The following SLC30A8 variants were observed in gnomAD, a reference collection of about 807,000 sequenced individuals.
SLC30A8 encodes solute carrier family 30 member 8.
Under a neutral mutation model 36.9 loss-of-function variants are expected in SLC30A8, and 27 were observed. The observed-to-expected ratio is 0.73, with a 90% CI of 0.54 to 1.01. The LOEUF (loss-of-function observed/expected upper bound fraction) is 1.01, where lower values mean the gene tolerates loss of function less well. SLC30A8 is among the 50% of genes least tolerant of loss of function. The pLI is 0.00. For synonymous variants in SLC30A8, 164 were observed against 172.4 expected (o/e 0.95, Z 0.38); for missense variants, 439 against 452.0 (o/e 0.97, Z 0.26).
chr8:117,074,427 T>A (rs1818428073), intron 2 of SLC30A8, among the ~76,000 whole-genome samples: 2 of 152,188 alleles, frequency 1.3e-5, no homozygotes, highest in Non-Finnish European at 2.9e-5. Flanking sequence ...AATAACTACA[T>A]ATGACTTGCT....
chr8:117,129,861 T>G (rs922815052), intron 2 of SLC30A8: 1 of 151,984 alleles, frequency 6.6e-6, no homozygotes, highest in South Asian at 2.1e-4. Flanking sequence ...TAATGTTTTG[T>G]GTTTGCTTGT....
rs185597558 is a variant in SLC30A8 at position 116,994,432 on chromosome 8, G to C, written c.-266+43313G>C. Among the ~76,000 whole-genome samples, 50 of 152,066 alleles carry C rather than the reference G, an allele frequency of 3.3e-4. 1 individual carries two copies. The highest frequency in any genetic ancestry group is 1.2e-3 in the African/African-American group (48 of 41,430). The stretch of plus-strand genomic sequence containing the variant: ...TCAAATGGAAAAACAAATTGTGGCA[G>C]GTCACTTGATAGAATACCATACAGC... On this transcript the variant is annotated intron_variant, in intron 1 of 10. Coordinates refer to the SLC30A8 transcript ENST00000427715.
chr8:117,043,039 G>A (rs979737943), intron 2 of SLC30A8, among the ~76,000 whole-genome samples: 1 of 152,156 alleles, frequency 6.6e-6, no homozygotes, highest in Non-Finnish European at 1.5e-5. Flanking sequence ...TTTATGGAGG[G>A]TTTATGCTTA....
At position 117,021,173 on chromosome 8, in the gene SLC30A8, G is replaced by T. The variant is rs1039324128; in HGVS notation, c.-265-18046G>T. 1.1e-4 allele frequency among the ~76,000 whole-genome samples: 17 copies of T among 152,046 alleles called. No homozygotes were observed. The South Asian group carries it at 3.3e-3, about 30-fold the overall frequency. On this transcript the variant is annotated intron_variant, in intron 1 of 10. Transcript: ENST00000427715. ...AATAGCCTTGATTTTTTTCCTCTTGGTCCTCAAAGCCTACAGTTGTTACCA... is the reference window on the plus strand; with the variant it reads ...AATAGCCTTGATTTTTTTCCTCTTGTTCCTCAAAGCCTACAGTTGTTACCA...
intron 2 of SLC30A8, among the ~76,000 whole-genome samples, chr8:117,093,551 C>T (rs1203718357): frequency 6.6e-6 from 1 of 151,976 alleles, no homozygotes; most frequent in African/African-American, 2.4e-5. Context: ...GAGGCCTGGT[C>T]ATTGCTAGTG....
Position 117,147,149 on chromosome 8 carries a change from C to T in SLC30A8, c.267C>T (p.Val89=), listed in dbSNP as rs114650878. The T allele has an allele frequency of 6.9e-5, 112 of 1,613,270 alleles. No individual in the cohort carries two copies. The African/African-American group carries it at 1.4e-3, about 20-fold the overall frequency. Residue 89 remains valine, a synonymous_variant, in exon 2 of 8, where the codon GTC becomes GTT. Transcript: ENST00000456015. ...GCTTCATTTTCATGATTGCAGAGGT[C>T]GTGGGTGAGTCTTTCTGCAGACTTT... The part of the protein sequence containing the change: ...AICFIFMIAE[V]VGGHIAGSLA...
intron 2 of SLC30A8, among the ~76,000 whole-genome samples, chr8:117,122,219 G>C (rs1820721753): frequency 6.6e-6 from 1 of 151,860 alleles, no homozygotes; most frequent in African/African-American, 2.4e-5. Context: ...TTGTATGTGG[G>C]AAATTGAGAT....
At chr8:117,125,036 T>A (rs1820844655) in intron 2 of SLC30A8, among the ~76,000 whole-genome samples, 2 of 152,038 alleles carry the variant, frequency 1.3e-5, no homozygotes, top group South Asian at 4.1e-4. Context: ...AATTCTAACA[T>A]CAGAATTTCT....
chr8:117,095,295 C>G (rs552476980), intron 2 of SLC30A8, among the ~76,000 whole-genome samples: 1 of 152,076 alleles, frequency 6.6e-6, no homozygotes, highest in Non-Finnish European at 1.5e-5. Flanking sequence ...ATGGTTTGTT[C>G]TACTAGTTAG....
At chr8:117,167,504 T>TATATATATATATATATAG (rs1491223080) in intron 6 of SLC30A8, among the ~76,000 whole-genome samples, 1 of 142,160 alleles carries the variant, frequency 7.0e-6, no homozygotes, top group Non-Finnish European at 1.6e-5. Flanking sequence ...CATACATACA[T>TATATATATATATATATAG]GTATATGTAT....
intron 2 of SLC30A8, among the ~76,000 whole-genome samples, chr8:117,093,928 C>T (rs1266882917): frequency 6.6e-6 from 1 of 152,252 alleles, no homozygotes; most frequent in African/African-American, 2.4e-5. Flanking sequence ...GGCACACCAA[C>T]TGGGGCAGGG....
At chr8:116,956,531 A>T (rs1197396445) in intron 1 of SLC30A8, among the ~76,000 whole-genome samples, 4 of 152,230 alleles carry the variant, frequency 2.6e-5, no homozygotes, top group Non-Finnish European at 5.9e-5. Flanking sequence ...AGTAAAAATC[A>T]TGCTTACAAC....
At chr8:117,030,098 A>G (rs900565263) in intron 1 of SLC30A8, among the ~76,000 whole-genome samples, 5 of 152,178 alleles carry the variant, frequency 3.3e-5, no homozygotes, top group African/African-American at 1.2e-4. Flanking sequence ...GCCTAGAAAC[A>G]GCAGTAGAGC....
At chr8:116,957,530 C>T (rs187833306) in intron 1 of SLC30A8, among the ~76,000 whole-genome samples, 2 of 152,230 alleles carry the variant, frequency 1.3e-5, no homozygotes, top group East Asian at 1.9e-4. Context: ...CTTGGCCTCC[C>T]GAAGTGCTGG....
chr8:117,015,547 CCA>C (rs1491518311), intron 1 of SLC30A8, among the ~76,000 whole-genome samples: 13 of 141,902 alleles, frequency 9.2e-5, no homozygotes, highest in South Asian at 2.3e-4. Context: ...CCCCCCCCCC[CCA>C]AAAAAAAGAG....
At chr8:117,103,914 A>G (rs1297341546) in intron 2 of SLC30A8, among the ~76,000 whole-genome samples, 1 of 152,128 alleles carries the variant, frequency 6.6e-6, no homozygotes, top group Non-Finnish European at 1.5e-5. Context: ...TAACATTCTC[A>G]AAACCCTGAA....
In SLC30A8 at chr8:117,137,550, G is replaced by C. The variant is rs549002757; in HGVS notation, c.71+2152G>C. Reference sequence around the variant, plus strand: ...CATTCCATGTGAATTAGTTGGAATAGAAGGCTGCATTCTGCTGGTATCTGG... The same window carrying C: ...CATTCCATGTGAATTAGTTGGAATACAAGGCTGCATTCTGCTGGTATCTGG... On this transcript the variant is annotated intron_variant, in intron 1 of 7. Coordinates refer to ENST00000456015, the MANE Select transcript of SLC30A8 (RefSeq NM_173851.3). 1.7e-4 allele frequency among the ~76,000 whole-genome samples: 26 copies of C among 152,108 alleles called. 1 individual carries two copies. The South Asian group carries it at 3.7e-3, about 22-fold the overall frequency.
intron 2 of SLC30A8, among the ~76,000 whole-genome samples, chr8:117,081,642 T>C (rs1818681362): frequency 6.6e-6 from 1 of 152,188 alleles, no homozygotes; most frequent in African/African-American, 2.4e-5. Flanking sequence ...GAGCATTCTC[T>C]TGTCCTTTTG....
intron 2 of SLC30A8, among the ~76,000 whole-genome samples, chr8:117,080,076 C>T (rs768829163): frequency 4.1e-4 from 63 of 152,216 alleles, no homozygotes; most frequent in Non-Finnish European, 6.5e-4. Flanking sequence ...TCAGAATTTT[C>T]TTTTCTTTTT....
Sources: gnomAD v4.1 joint callset for allele counts (sites outside exome capture counted in the v4.1 genomes callset) on GRCh38, gnomAD v4.1.1 for gene constraint, MANE v1.5 for transcripts, NCBI Gene and HGNC (gene_info 2026-07-23, HGNC 2026-07-21) for gene names.